Variants in CTSB observed in about 807,000 individuals in gnomAD.
CTSB encodes cathepsin B.
In CTSB, 57 loss-of-function variants were observed where a neutral mutation model predicts 44.3. The observed-to-expected ratio is 1.29, with a 90% CI of 1.04 to 1.60. CTSB has a LOEUF of 1.60. Among genes scored for constraint, CTSB ranks in the 40% most tolerant of loss-of-function variants. The pLI, the probability that CTSB is intolerant of heterozygous loss-of-function variation, is 0.00. For synonymous variants in CTSB, 320 were observed against 168.0 expected (o/e 1.91, Z -7.00); for missense variants, 768 against 443.0 (o/e 1.73, Z -6.59).
chr8:11,847,653 C>G (rs1813653301), intron 7 of CTSB, 26 bp downstream of exon 7: 13 of 1,508,898 alleles, frequency 8.6e-6, no homozygotes, highest in Non-Finnish European at 1.1e-5. Context: ...TCCACGTGCG[C>G]CGTGGCCAGG....
chr8:11,862,079 C>T (rs924084126), intron 1 of CTSB, among the ~76,000 whole-genome samples: 6 of 152,188 alleles, frequency 3.9e-5, no homozygotes, highest in South Asian at 2.1e-4. Flanking sequence ...TGGTGGCAGG[C>T]GCCTGTAGTC....
rs1812864884 is a variant in CTSB, at chr8:11,844,522, C to G, written c.*603G>C. 1 of 152,332 alleles carries G rather than the reference C, an allele frequency of 6.6e-6. No homozygotes were observed. The allele number at this position is 152,332 out of a possible 1,614,324, so 9.4% of individuals were successfully genotyped here. ...AAGGAGGCAATCTGTAAAACTAGCA[C>G]AGGTCTCCCGCTGTTCCACTGGCTC... On this transcript the variant is annotated 3_prime_UTR_variant, in exon 10 of 10. Coordinates refer to ENST00000353047, the MANE Select transcript of CTSB (RefSeq NM_001908.5).
At chr8:11,863,189 G>A (rs919300407) in intron 1 of CTSB, among the ~76,000 whole-genome samples, 7 of 152,194 alleles carry the variant, frequency 4.6e-5, no homozygotes, top group East Asian at 1.9e-4. Flanking sequence ...ATAGGCTAGC[G>A]GTGGCTCAGG....
intron 1 of CTSB, among the ~76,000 whole-genome samples, chr8:11,865,031 GC>G (rs1163215565): frequency 6.6e-6 from 1 of 152,130 alleles, no homozygotes; most frequent in Non-Finnish European, 1.5e-5. Flanking sequence ...CGCAAGGTTT[GC>G]CTCCCACATG....
chr8:11,857,502 A>T (rs1815699013), intron 1 of CTSB, among the ~76,000 whole-genome samples: 1 of 152,138 alleles, frequency 6.6e-6, no homozygotes. Context: ...TATTTTAAAT[A>T]ATAAGCCAAG....
At chr8:11,861,726 G>C (rs984470498) in intron 1 of CTSB, among the ~76,000 whole-genome samples, 1 of 152,194 alleles carries the variant, frequency 6.6e-6, no homozygotes, top group African/African-American at 2.4e-5. Context: ...CGTCTGCATC[G>C]GATACCAAAG....
chr8:11,850,949 C>T lies in CTSB; in HGVS notation c.244G>A (p.Ala82Thr). Residue 82 changes from alanine to threonine, a missense_variant, in exon 4 of 10, where the codon GCA becomes ACA. Ala to Thr is a moderately conservative substitution (Grantham distance 58). Coordinates refer to ENST00000353047, the MANE Select transcript of CTSB (RefSeq NM_001908.5). ...CATTGTTCCCGTGCATCGAAGCTTG[C>T]AGGCAGCTTCAGGTCCTCGGTAAAC... ...VMFTEDLKLP[A>T]SFDAREQWPQ... is the part of the protein sequence containing the mutation. 1 of 1,613,158 alleles carries T rather than the reference C, an allele frequency of 6.2e-7. No individual in the cohort carries two copies. The highest frequency in any genetic ancestry group is 8.5e-7 in the Non-Finnish European group (1 of 1,179,414).
intron 4 of CTSB, 22 bp from the exon 5 acceptor site, chr8:11,849,186 G>C (rs758958041): frequency 6.2e-7 from 1 of 1,600,532 alleles, no homozygotes; most frequent in Non-Finnish European, 8.5e-7. Flanking sequence ...AGCCCCACCG[G>C]GTGAGGCTGC....
chr8:11,852,304 G>C (rs1438360233), intron 3 of CTSB, among the ~76,000 whole-genome samples: 1 of 152,174 alleles, frequency 6.6e-6, no homozygotes, highest in African/African-American at 2.4e-5. Context: ...CCGGGAGACA[G>C]AGTTTGCAGT....
At position 11,850,419 on chromosome 8, in the gene CTSB, C is replaced by CAAA. The variant is rs61067792; in HGVS notation, c.327+444_327+446dup. ...GGGTGACAGAGCAAGACTCCATCTC[C>CAAA]AAAAAAAAAAAAAAAAAAAAAAGAA... On this transcript the variant is annotated intron_variant, in intron 4 of 9. Transcript: ENST00000353047. 4.0e-3 allele frequency among the ~76,000 whole-genome samples: 213 copies of CAAA among 53,224 alleles called. 1 individual carries two copies. Among genetic ancestry groups the CAAA allele is most frequent in the African/African-American group, 7.5e-3 (95 of 12,700 alleles). 34.9% of individuals were successfully genotyped at this position (53,224 alleles called of 152,430 possible).
intron 1 of CTSB, among the ~76,000 whole-genome samples, chr8:11,860,566 G>A (rs1278089818): frequency 6.6e-6 from 1 of 152,218 alleles, no homozygotes; most frequent in African/African-American, 2.4e-5. Context: ...GGAGGCTGCA[G>A]TGGGCTGAGA....
intron 1 of CTSB, 152 bp downstream of exon 1, chr8:11,867,849 G>A (rs1402176117): frequency 7.1e-6 from 1 of 141,256 alleles, no homozygotes; most frequent in African/African-American, 2.5e-5. Context: ...GGACAGTCCC[G>A]AGGGTCCCGG....
At chr8:11,859,767 CAAAAAAAAA>C (rs36047077) in intron 1 of CTSB, among the ~76,000 whole-genome samples, 1 of 38,978 alleles carries the variant, frequency 2.6e-5, no homozygotes, top group African/African-American at 1.4e-4. Context: ...GACTCTGTCT[CAAAAAAAAA>C]AAAAAAAAAA....
Position 11,848,994 on chromosome 8 carries a change from G to T in CTSB, c.446+52C>A, listed in dbSNP as rs368522482. 6.3e-5 allele frequency: 87 copies of T among 1,374,332 alleles called. No homozygotes were observed. In the African/African-American group the frequency reaches 1.1e-3, roughly 18 times the overall value. The allele number at this position is 1,374,332 out of a possible 1,614,324, so 85.1% of individuals were successfully genotyped here. Reference sequence around the variant, plus strand: ...AAAGTCCCCTCCACTGAGAAGCTGGGGCCCAGGGTCTCTCAGCACTAAACC... The same window carrying T: ...AAAGTCCCCTCCACTGAGAAGCTGGTGCCCAGGGTCTCTCAGCACTAAACC... On this transcript the variant is annotated intron_variant, in intron 5 of 9. Transcript: ENST00000353047.
Position 11,848,158 on chromosome 8 carries a change from A to G in CTSB, c.447-6T>C. The stretch of plus-strand genomic sequence containing the variant: ...CAGGATAGCCACCATTACAGCTGAA[A>G]AGACAGCCTCTAATGAAAACCTCTG... On this transcript the variant is annotated splice_region_variant and splice_polypyrimidine_tract_variant and intron_variant, in intron 5 of 9. Coordinates refer to ENST00000353047, the MANE Select transcript of CTSB (RefSeq NM_001908.5). 6.2e-7 allele frequency: 1 copy of G among 1,613,080 alleles called. No individual in the cohort carries two copies. Among genetic ancestry groups the G allele is most frequent in the East Asian group, 2.2e-5 (1 of 44,882 alleles).
chr8:11,862,946 T>G (rs1172456435), intron 1 of CTSB, among the ~76,000 whole-genome samples: 1 of 152,222 alleles, frequency 6.6e-6, no homozygotes, highest in Non-Finnish European at 1.5e-5. Flanking sequence ...AAGAAGTTAC[T>G]GGCCTGGTAA....
intron 1 of CTSB, among the ~76,000 whole-genome samples, chr8:11,860,055 G>A (rs193077561): frequency 4.6e-4 from 70 of 152,112 alleles, no homozygotes; most frequent in African/African-American, 1.7e-3. Flanking sequence ...CTGGGCGACA[G>A]AGCAACACTC....
At chr8:11,857,382 G>A (rs1463890035) in intron 1 of CTSB, among the ~76,000 whole-genome samples, 1 of 152,056 alleles carries the variant, frequency 6.6e-6, no homozygotes, top group Non-Finnish European at 1.5e-5. Flanking sequence ...GTCTCACGTG[G>A]CCATGCATGT....
chr8:11,845,187 C>T lies in CTSB; in HGVS notation c.958G>A (p.Gly320Arg), dbSNP rs1425671911. ...CCAGCCACCACTTCTGATTCGATTC[C>T]ACAGTGATCCTGTCCTCTGAGTATT... is the stretch of plus-strand genomic sequence containing the variant. ...FKILRGQDHC[G>R]IESEVVAGIP... The change falls in exon 10 of 10, where the codon GGA becomes AGA. Residue 320 changes from glycine (G) to arginine (R), a missense_variant. Physicochemically the swap from Gly to Arg is moderately radical, Grantham distance 125. Coordinates refer to ENST00000353047, the MANE Select transcript of CTSB (RefSeq NM_001908.5). The T allele has an allele frequency of 6.2e-7, 1 of 1,613,856 alleles. No homozygotes were observed. The highest frequency in any genetic ancestry group is 8.5e-7 in the Non-Finnish European group (1 of 1,179,848).
Sources: gnomAD v4.1 joint callset for allele counts (sites outside exome capture counted in the v4.1 genomes callset) on GRCh38, gnomAD v4.1.1 for gene constraint, MANE v1.5 for transcripts, NCBI Gene and HGNC (gene_info 2026-07-23, HGNC 2026-07-21) for gene names.